PLA2G4C: variants seen among roughly 807,000 people sequenced by gnomAD.
The protein encoded by PLA2G4C is phospholipase A2 group IVC.
PLA2G4C carries 64 observed loss-of-function variants against 73.8 expected under a neutral mutation model. The ratio of observed to expected loss-of-function variants is 0.87; its 90% CI spans 0.71 to 1.07. PLA2G4C has a LOEUF of 1.07. Ranked by LOEUF, PLA2G4C falls within the 50% of genes least tolerant of loss-of-function variation. The pLI is 0.00. For synonymous variants in PLA2G4C, 254 were observed against 252.1 expected (o/e 1.01, Z -0.07); for missense variants, 622 against 665.4 (o/e 0.93, Z 0.72).
chr19:48,057,251 A>G (rs1600153235), intron 14 of PLA2G4C, among the ~76,000 whole-genome samples: 1 of 152,094 alleles, frequency 6.6e-6, no homozygotes, highest in East Asian at 1.9e-4. Flanking sequence ...TTGTTCTTGC[A>G]GTTAACGTAA....
At chr19:48,110,354 AT>A (rs11358015) in intron 1 of PLA2G4C, 132 bp downstream of exon 1, 23,670 of 543,016 alleles carry the variant, frequency 0.044, 917 homozygotes, top group East Asian at 0.22. Context: ...TCAAAAAAAA[AT>A]AAATAAATAA....
At chr19:48,055,379 C>T (rs1967898434) in intron 14 of PLA2G4C, among the ~76,000 whole-genome samples, 1 of 118,876 alleles carries the variant, frequency 8.4e-6, no homozygotes, top group Non-Finnish European at 1.7e-5. Context: ...TTGGAGACCT[C>T]ATCTCTACAG....
intron 11 of PLA2G4C, among the ~76,000 whole-genome samples, chr19:48,075,702 A>T (rs1991723): frequency 0.59 from 89,199 of 151,984 alleles, 28,522 homozygotes; most frequent in South Asian, 0.77. Flanking sequence ...AATCCAAATC[A>T]AGAGGGCTCC....
chr19:48,104,413 T>C, intron 4 of PLA2G4C, 175 bp downstream of exon 4: 1 of 592,574 alleles, frequency 1.7e-6, no homozygotes, highest in Non-Finnish European at 2.9e-6. Flanking sequence ...CTGTGGAATC[T>C]GATGTGAACT....
In PLA2G4C at chr19:48,098,263, T is replaced by C. The variant is rs1205348618; in HGVS notation, c.448-4A>G. On this transcript the variant is annotated splice_region_variant and splice_polypyrimidine_tract_variant and intron_variant, in intron 5 of 16. Transcript: ENST00000599921. ...TGGACAAATGAGACTCCGGCAGCTT[T>C]GGGAGAAGGTGCCAAGACAGTGTGA... 1 of 1,610,996 alleles carries C rather than the reference T, an allele frequency of 6.2e-7. No homozygotes were observed. Among genetic ancestry groups the C allele is most frequent in the South Asian group, 1.1e-5 (1 of 90,560 alleles).
chr19:48,082,645 C>T (rs1302520020), intron 10 of PLA2G4C, among the ~76,000 whole-genome samples: 3 of 150,874 alleles, frequency 2.0e-5, no homozygotes, highest in African/African-American at 7.3e-5. Context: ...GTTACAGGCG[C>T]CCGCCACCAT....
In PLA2G4C at chr19:48,090,416, A is replaced by G; in HGVS notation, c.711T>C (p.Gly237=). 6.2e-7 allele frequency: 1 copy of G among 1,610,420 alleles called. No homozygotes were observed. Among genetic ancestry groups the G allele is most frequent in the South Asian group, 1.1e-5 (1 of 90,980 alleles). Residue 237 remains glycine (G), a splice_region_variant and synonymous_variant, in exon 8 of 17, where the codon GGT becomes GGC. Coordinates refer to ENST00000599921, the MANE Select transcript of PLA2G4C (RefSeq NM_003706.3). ...HPERDLTFLR[G]LWGSALGNTE... is the part of the protein sequence containing the mutation. ...TGTTACCAAGAGCACTTCCCCATAA[A>G]CCTGCCAAGAAAAGAGCAATAAAAT...
chr19:48,099,704 C>T lies in PLA2G4C; in HGVS notation c.414G>A (p.Trp138Ter), dbSNP rs2031795233. The change falls in exon 5 of 17, where the codon TGG becomes TGA. Residue 138 changes from tryptophan (W) to a stop codon, truncating the protein, a stop_gained. Transcript: ENST00000599921. LOFTEE classifies it high-confidence loss of function. ...TTTGCTTAGAGATAACCATGTAGGC[C>T]CAGAAGTCGGTCAGAGAGTAATTCT... ...RSENYSLTDF[W>*]AYMVISKQTR... The T allele has an allele frequency of 3.1e-6, 5 of 1,613,908 alleles. No homozygotes were observed. The East Asian group carries it at 1.1e-4, about 36-fold the overall frequency.
At chr19:48,063,033 A>G (rs1474620488) in intron 13 of PLA2G4C, among the ~76,000 whole-genome samples, 1 of 152,046 alleles carries the variant, frequency 6.6e-6, no homozygotes, top group Non-Finnish European at 1.5e-5. Context: ...ACAGGTAGAT[A>G]AGAAGTGAAT....
At chr19:48,091,992 C>T (rs2031331721) in intron 7 of PLA2G4C, among the ~76,000 whole-genome samples, 1 of 151,054 alleles carries the variant, frequency 6.6e-6, no homozygotes, top group Non-Finnish European at 1.5e-5. Context: ...AAATTGGAAA[C>T]CTGGGACACC....
chr19:48,056,676 C>CA (rs1390709562), intron 14 of PLA2G4C, among the ~76,000 whole-genome samples: 4 of 146,362 alleles, frequency 2.7e-5, no homozygotes, highest in African/African-American at 7.6e-5. Flanking sequence ...ACTAAAATTA[C>CA]AAAAAATTAG....
At chr19:48,056,132 A>G (rs1053537355) in intron 14 of PLA2G4C, among the ~76,000 whole-genome samples, 1 of 152,204 alleles carries the variant, frequency 6.6e-6, no homozygotes, top group African/African-American at 2.4e-5. Flanking sequence ...AGGACACTGC[A>G]TGTCTCATTA....
At chr19:48,053,583 G>C (rs1026153360) in intron 15 of PLA2G4C, among the ~76,000 whole-genome samples, 1 of 152,030 alleles carries the variant, frequency 6.6e-6, no homozygotes, top group African/African-American at 2.4e-5. Context: ...TGTTGGCCAA[G>C]CTGGCCTTAA....
intron 12 of PLA2G4C, among the ~76,000 whole-genome samples, chr19:48,068,879 A>T (rs1209332336): frequency 6.6e-6 from 1 of 151,946 alleles, no homozygotes; most frequent in Non-Finnish European, 1.5e-5. Flanking sequence ...AACTGACCCC[A>T]CTGGCACCTT....
At chr19:48,059,483 T>G (rs1201093828) in intron 14 of PLA2G4C, among the ~76,000 whole-genome samples, 13 of 152,014 alleles carry the variant, frequency 8.6e-5, no homozygotes, top group Non-Finnish European at 1.8e-4. Flanking sequence ...AGATGAACAT[T>G]TGAGTCAGTG....
Position 48,104,577 on chromosome 19 carries a change from G to T in PLA2G4C, c.257+11C>A. 1 of 1,613,362 alleles carries T rather than the reference G, an allele frequency of 6.2e-7. No homozygotes were observed. Among genetic ancestry groups the T allele is most frequent in the Non-Finnish European group, 8.5e-7 (1 of 1,179,516 alleles). ...TGTCAGAAAGCAATCTGAAACATGA[G>T]TGATGCTTACCAAGTGGATCCAGAG... On this transcript the variant is annotated intron_variant, in intron 4 of 16. Transcript: ENST00000599921.
Position 48,110,553 on chromosome 19 carries a change from G to GCTTGGGCTCCGGAATCCGGTGCGGAGA in PLA2G4C, c.-100_-99insTCTCCGCACCGGATTCCGGAGCCCAAG. The GCTTGGGCTCCGGAATCCGGTGCGGAGA allele has an allele frequency of 6.6e-7, 1 of 1,511,942 alleles. No individual in the cohort carries two copies. Among genetic ancestry groups the GCTTGGGCTCCGGAATCCGGTGCGGAGA allele is most frequent in the Non-Finnish European group, 8.8e-7 (1 of 1,132,378 alleles). 93.7% of individuals were successfully genotyped at this position (1,511,942 alleles called of 1,614,324 possible). On this transcript the variant is annotated 5_prime_UTR_variant, in exon 1 of 17. Transcript: ENST00000599921. ...TTGTGCTCCGGAATCCGGTGCGGAG[G>GCTTGGGCTCCGGAATCCGGTGCGGAGA]CTTGGGCTCCCTGCGCTTAGCGGTG... is the stretch of plus-strand genomic sequence containing the variant.
At chr19:48,059,566 A>C (rs908667193) in intron 14 of PLA2G4C, among the ~76,000 whole-genome samples, 1 of 152,116 alleles carries the variant, frequency 6.6e-6, no homozygotes, top group African/African-American at 2.4e-5. Context: ...ACTAGAACAA[A>C]GCAGACAGAA....
intron 13 of PLA2G4C, among the ~76,000 whole-genome samples, chr19:48,064,567 G>A (rs898554362): frequency 1.3e-5 from 2 of 152,166 alleles, no homozygotes; most frequent in Admixed American, 1.3e-4. Context: ...AGTCTGTTTA[G>A]TAAACATTAT....
Sources: allele counts gnomAD v4.1 joint callset (sites outside exome capture counted in the v4.1 genomes callset), GRCh38; gene constraint gnomAD v4.1.1; transcripts MANE v1.5; gene names NCBI Gene and HGNC (gene_info 2026-07-23, HGNC 2026-07-21).